Variants in SHC2 observed in about 807,000 individuals in gnomAD.
The protein encoded by SHC2 is SHC adaptor protein 2.
A neutral mutation model predicts 60.6 loss-of-function variants in SHC2; 62 were observed. The ratio of observed to expected loss-of-function variants is 1.02; its 90% CI spans 0.83 to 1.26. SHC2 has a LOEUF of 1.26. Ranked by LOEUF, SHC2 falls within the 50% of genes most tolerant of loss-of-function variation. The pLI is 0.00. For synonymous variants in SHC2, 375 were observed against 372.4 expected, an observed-to-expected ratio of 1.01 and a Z score of -0.08; for missense variants, 873 against 822.2, an observed-to-expected ratio of 1.06 and a Z score of -0.76.
At chr19:452,198 T>C (rs141261735) in intron 1 of SHC2, among the ~76,000 whole-genome samples, 1 of 150,770 alleles carries the variant, frequency 6.6e-6, no homozygotes, top group East Asian at 2.0e-4. Flanking sequence ...TAGGTGTGCG[T>C]TTCTCCATTT....
chr19:430,993 A>C (rs1055963335), intron 8 of SHC2, among the ~76,000 whole-genome samples: 4 of 152,188 alleles, frequency 2.6e-5, no homozygotes, highest in Non-Finnish European at 5.9e-5. Context: ...GCCACCTTGC[A>C]ATGGCTGTTC....
At chr19:430,320 C>T (rs920445827) in intron 9 of SHC2, among the ~76,000 whole-genome samples, 2 of 151,558 alleles carry the variant, frequency 1.3e-5, no homozygotes, top group African/African-American at 2.4e-5. Flanking sequence ...GTGTGGATGA[C>T]GCGGCACCTA....
Position 438,826 on chromosome 19 carries a change from C to CT in SHC2, c.611dup (p.Ala205GlyfsTer25). The CT allele has an allele frequency of 6.4e-7, 1 of 1,568,292 alleles. No individual in the cohort carries two copies. The highest frequency in any genetic ancestry group is 8.6e-7 in the Non-Finnish European group (1 of 1,157,720). On this transcript the variant is annotated frameshift_variant, in exon 4 of 13. Coordinates refer to ENST00000264554, the MANE Select transcript of SHC2 (RefSeq NM_012435.3). LOFTEE classifies it high-confidence loss of function. The surrounding 1 kb of genome is among the most constrained non-coding windows in gnomAD (Gnocchi z 5.0). ...TCTTGCCCAGGACGGACGCCAGGGC[C>CT]TTGTTGGGGGCCTGAGTTGGGGGCG...
chr19:425,038 T>A lies in SHC2; in HGVS notation c.1309+59A>T. 1 of 1,326,164 alleles carries A rather than the reference T, an allele frequency of 7.5e-7. No homozygotes were observed. Among genetic ancestry groups the A allele is most frequent in the Non-Finnish European group, 9.8e-7 (1 of 1,024,280 alleles). The allele number at this position is 1,326,164 out of a possible 1,614,324, so 82.1% of individuals were successfully genotyped here. A position where few individuals can be genotyped will look rare whatever the true frequency, so the allele number is the denominator to read the frequency against. Reference sequence around the variant, plus strand: ...TAGGGAGTGGGGGTGGGGTTGTGCCTCCCCCATCAGACAACACGGCCACAC... The same window carrying A: ...TAGGGAGTGGGGGTGGGGTTGTGCCACCCCCATCAGACAACACGGCCACAC... On this transcript the variant is annotated intron_variant, in intron 10 of 12. Coordinates refer to ENST00000264554, the MANE Select transcript of SHC2 (RefSeq NM_012435.3). This position sits in a 1 kb window ranked among gnomAD's most constrained non-coding sequence, Gnocchi z 4.1.
intron 1 of SHC2, among the ~76,000 whole-genome samples, chr19:450,702 G>A (rs1975161146): frequency 6.6e-6 from 1 of 152,190 alleles, no homozygotes; most frequent in African/African-American, 2.4e-5. Flanking sequence ...ATTTCAGCGT[G>A]TGGATGGCCA....
intron 1 of SHC2, among the ~76,000 whole-genome samples, chr19:457,448 C>T (rs1194431368): frequency 6.6e-6 from 1 of 152,200 alleles, no homozygotes; most frequent in Non-Finnish European, 1.5e-5. Flanking sequence ...AGGTCGCCTC[C>T]TGGGAGGGGC....
chr19:419,034 A>G lies in SHC2; in HGVS notation c.1643T>C (p.Phe548Ser), dbSNP rs945641935. Reference sequence around the variant, plus strand: ...GTCGATCAGGTGGCTGATGCTCTCAAACAGCACGTCCTTCGTCCGTACCTG... The same window carrying G: ...GTCGATCAGGTGGCTGATGCTCTCAGACAGCACGTCCTTCGTCCGTACCTG... ...EGVVRTKDVLFESISHLIDHH... is the reference protein window; with the variant it reads ...EGVVRTKDVLSESISHLIDHH... The change falls in exon 12 of 13, where the codon TTT becomes TCT. Residue 548 changes from phenylalanine (F) to serine (S), a missense_variant. Coordinates refer to ENST00000264554, the MANE Select transcript of SHC2 (RefSeq NM_012435.3). The G allele has an allele frequency of 3.8e-6, 6 of 1,586,516 alleles. No homozygotes were observed. Among genetic ancestry groups the G allele is most frequent in the African/African-American group, 2.7e-5 (2 of 74,396 alleles).
intron 11 of SHC2, chr19:419,807 C>T (rs987530700): frequency 1.3e-5 from 2 of 152,260 alleles, no homozygotes; most frequent in Non-Finnish European, 2.9e-5. Context: ...CTTAGCGCTA[C>T]CGAGCGCTGG....
At chr19:447,718 C>A (rs889549330) in intron 1 of SHC2, among the ~76,000 whole-genome samples, 4 of 151,896 alleles carry the variant, frequency 2.6e-5, no homozygotes, top group Non-Finnish European at 5.9e-5. Context: ...GCGGAGGTTG[C>A]GGTGAGCCGA....
At chr19:449,041 A>T (rs1413166033) in intron 1 of SHC2, among the ~76,000 whole-genome samples, 1 of 151,898 alleles carries the variant, frequency 6.6e-6, no homozygotes, top group Non-Finnish European at 1.5e-5. Flanking sequence ...GGTGGTGCAC[A>T]CCTGTAGTCC....
rs778390083 is a variant in SHC2, at chr19:438,678, C to T, written c.720+40G>A. 30 of 1,545,172 alleles carry T rather than the reference C, an allele frequency of 1.9e-5. No individual in the cohort carries two copies. The African/African-American group carries it at 3.0e-4, about 16-fold the overall frequency. On this transcript the variant is annotated intron_variant, in intron 4 of 12. Transcript: ENST00000264554. This position sits in a 1 kb window ranked among gnomAD's most constrained non-coding sequence, Gnocchi z 5.0. ...TTGCCTCCTAGGACTCCTGGCCCCT[C>T]TGGGGGTCTGGGGACGCCAGGCGAA... is the stretch of plus-strand genomic sequence containing the variant.
chr19:438,942 C>A lies in SHC2; in HGVS notation c.600+28G>T. On this transcript the variant is annotated intron_variant, in intron 3 of 12. Coordinates refer to ENST00000264554, the MANE Select transcript of SHC2 (RefSeq NM_012435.3). The surrounding 1 kb of genome is among the most constrained non-coding windows in gnomAD (Gnocchi z 5.0). ...CACAGCCCCCGACTGCCCCACCAGC[C>A]CCACGAGAGACCACAAGCCTCACTC... The A allele has an allele frequency of 6.3e-7, 1 of 1,586,812 alleles. No homozygotes were observed. Among genetic ancestry groups the A allele is most frequent in the Non-Finnish European group, 8.6e-7 (1 of 1,166,782 alleles).
chr19:418,507 C>T (rs12610836), intron 12 of SHC2, among the ~76,000 whole-genome samples: 4,418 of 152,336 alleles, frequency 0.029, 114 homozygotes, highest in East Asian at 0.095. Flanking sequence ...CCTCACACAG[C>T]GGGACATTAT....
chr19:436,964 A>G (rs1404256687), intron 4 of SHC2, among the ~76,000 whole-genome samples: 1 of 151,946 alleles, frequency 6.6e-6, no homozygotes, highest in Non-Finnish European at 1.5e-5. Context: ...AACCTCCCCC[A>G]CTGTAACACT....
intron 1 of SHC2, among the ~76,000 whole-genome samples, chr19:458,768 AG>A (rs1335384820): frequency 1.4e-5 from 2 of 144,012 alleles, no homozygotes; most frequent in Non-Finnish European, 1.5e-5. Context: ...GGGGAGGCGG[AG>A]GCGGGTTCCG....
In SHC2 at chr19:436,252, C is replaced by G; in HGVS notation, c.866G>C (p.Ser289Thr). 6.3e-7 allele frequency: 1 copy of G among 1,597,188 alleles called. No individual in the cohort carries two copies. Among genetic ancestry groups the G allele is most frequent in the African/African-American group, 1.3e-5 (1 of 74,800 alleles). ...ILECCEGLAQ[S>T]IISTVGQAFE... ...AGCTTGGCCCACGGTGCTGATGATG[C>G]TCTGTGCCAGGCCCTCACAGCACTC... Residue 289 changes from serine (S) to threonine (T), a missense_variant, in exon 7 of 13, where the codon AGC (serine) becomes ACC (threonine). By Grantham distance (58) the Ser-to-Thr change is moderately conservative. Transcript: ENST00000264554.
chr19:460,404 T>G, intron 1 of SHC2, 125 bp downstream of exon 1: 5 of 334,654 alleles, frequency 1.5e-5, no homozygotes, highest in Non-Finnish European at 9.7e-6. Context: ...GGGTCCGGGG[T>G]GGCGGGAGAG....
At chr19:434,202 C>A (rs1238978303) in intron 8 of SHC2, among the ~76,000 whole-genome samples, 1 of 65,788 alleles carries the variant, frequency 1.5e-5, no homozygotes, top group Non-Finnish European at 2.8e-5. Context: ...TACACGGCGC[C>A]CCATTGTGAG....
intron 11 of SHC2, among the ~76,000 whole-genome samples, chr19:420,878 C>T (rs567172319): frequency 1.3e-5 from 2 of 151,332 alleles, no homozygotes; most frequent in African/African-American, 4.9e-5. Context: ...GGTGATACCC[C>T]GTCTCTACTA....
Sources: gnomAD v4.1 joint callset for allele counts (sites outside exome capture counted in the v4.1 genomes callset) on GRCh38, gnomAD v4.1.1 for gene constraint, Gnocchi (gnomAD v3.1) non-coding constraint, MANE v1.5 for transcripts, NCBI Gene and HGNC (gene_info 2026-07-23, HGNC 2026-07-21) for gene names.